Variants in GGACT observed in about 807,000 individuals in gnomAD.
GGACT encodes gamma-glutamylamine cyclotransferase.
For missense variants in GGACT, 241 were observed against 233.2 expected, an observed-to-expected ratio of 1.03 and a Z score of -0.22; for synonymous variants, 118 against 115.3, an observed-to-expected ratio of 1.02 and a Z score of -0.15.
At chr13:100,570,340 T>G (rs1336458082) in intron 2 of GGACT, among the ~76,000 whole-genome samples, 1 of 152,172 alleles carries the variant, frequency 6.6e-6, no homozygotes, top group Non-Finnish European at 1.5e-5. Flanking sequence ...CTCAGGAATC[T>G]TATAATCATG....
At chr13:100,543,224 T>C (rs2088571208) in intron 2 of GGACT, among the ~76,000 whole-genome samples, 1 of 139,132 alleles carries the variant, frequency 7.2e-6, no homozygotes, top group Non-Finnish European at 1.5e-5. Flanking sequence ...TTTTTTTTTT[T>C]TGAGACGGAG....
intron 2 of GGACT, among the ~76,000 whole-genome samples, chr13:100,547,655 A>G (rs1325754269): frequency 1.3e-5 from 2 of 152,176 alleles, no homozygotes; most frequent in African/African-American, 4.8e-5. Context: ...AGTCTGTCCA[A>G]AGCATTTCTA....
chr13:100,584,792 C>G (rs1875516637), intron 1 of GGACT, among the ~76,000 whole-genome samples: 1 of 151,728 alleles, frequency 6.6e-6, no homozygotes, highest in Admixed American at 6.6e-5. Flanking sequence ...AATTAACTAT[C>G]AAAAAAGAAC....
intron 2 of GGACT, among the ~76,000 whole-genome samples, chr13:100,560,125 G>A (rs183863422): frequency 3.3e-5 from 5 of 152,226 alleles, no homozygotes; most frequent in Admixed American, 2.6e-4. Flanking sequence ...CAAAGAGGCC[G>A]CAGGAAGCTT....
intron 2 of GGACT, among the ~76,000 whole-genome samples, chr13:100,543,196 G>GTTTTTTTTTTT (rs1566530390): frequency 1.6e-5 from 1 of 63,664 alleles, no homozygotes; most frequent in African/African-American, 6.5e-5. Flanking sequence ...AAAGACACCA[G>GTTTTTTTTTTT]CTTTTTTTTT....
At chr13:100,548,660 T>A (rs1440782660) in intron 2 of GGACT, among the ~76,000 whole-genome samples, 1 of 152,082 alleles carries the variant, frequency 6.6e-6, no homozygotes, top group Non-Finnish European at 1.5e-5. Flanking sequence ...ACAAAAATAG[T>A]GAGATCCCCA....
intron 2 of GGACT, among the ~76,000 whole-genome samples, chr13:100,551,325 G>C (rs2088662416): frequency 6.6e-6 from 1 of 152,128 alleles, no homozygotes; most frequent in East Asian, 1.9e-4. Context: ...TACACAGACA[G>C]GATAAAACCA....
At chr13:100,574,325 C>T (rs912752937) in intron 2 of GGACT, among the ~76,000 whole-genome samples, 7 of 152,166 alleles carry the variant, frequency 4.6e-5, no homozygotes, top group Non-Finnish European at 1.0e-4. Flanking sequence ...GTAATCCCAG[C>T]ACTTTTTGGG....
At chr13:100,578,666 TGA>T (rs1389162217) in intron 2 of GGACT, among the ~76,000 whole-genome samples, 1 of 152,248 alleles carries the variant, frequency 6.6e-6, no homozygotes, top group South Asian at 2.1e-4. Flanking sequence ...TGTTCATTTA[TGA>T]GATATACTAA....
At chr13:100,557,600 TCTCA>T (rs145559823) in intron 2 of GGACT, among the ~76,000 whole-genome samples, 4,708 of 152,238 alleles carry the variant, frequency 0.031, 106 homozygotes, top group Non-Finnish European at 0.051. Flanking sequence ...AAACCTCTTA[TCTCA>T]CTCCCTATAC....
At chr13:100,582,063 A>G (rs1479377219) in intron 2 of GGACT, among the ~76,000 whole-genome samples, 3 of 152,210 alleles carry the variant, frequency 2.0e-5, no homozygotes, top group Non-Finnish European at 4.4e-5. Flanking sequence ...ATCTTGAACA[A>G]TGGTTTTCCC....
At chr13:100,578,543 T>C (rs552332923) in intron 2 of GGACT, among the ~76,000 whole-genome samples, 2 of 152,354 alleles carry the variant, frequency 1.3e-5, no homozygotes, top group South Asian at 4.1e-4. Flanking sequence ...CCTGTGAGTC[T>C]ACTTGACTTC....
chr13:100,547,050 G>A (rs2088612798), intron 2 of GGACT, among the ~76,000 whole-genome samples: 1 of 152,192 alleles, frequency 6.6e-6, no homozygotes. Context: ...AATCCTTCAA[G>A]TTCTCCTTGT....
At chr13:100,586,386 T>G (rs1377407741) in intron 1 of GGACT, among the ~76,000 whole-genome samples, 2 of 152,168 alleles carry the variant, frequency 1.3e-5, no homozygotes, top group Non-Finnish European at 2.9e-5. Flanking sequence ...TGCTTAAAAT[T>G]TTCCCAATAA....
intron 2 of GGACT, chr13:100,539,866 A>T: frequency 1.2e-6 from 1 of 860,998 alleles, no homozygotes; most frequent in African/African-American, 1.7e-5. Flanking sequence ...TTCTCCAGAG[A>T]ATAGCCTGTC....
chr13:100,537,916 G>A (rs921794251), intron 2 of GGACT: 22 of 152,272 alleles, frequency 1.4e-4, no homozygotes, highest in African/African-American at 5.1e-4. Flanking sequence ...TTTCATCCAA[G>A]AGTGGACAAG....
At chr13:100,569,113 C>T (rs751629749) in intron 2 of GGACT, among the ~76,000 whole-genome samples, 8 of 152,216 alleles carry the variant, frequency 5.3e-5, no homozygotes, top group South Asian at 2.1e-4. Context: ...TCCAGGTGCA[C>T]GGTGCAAGCC....
At chr13:100,568,508 ACCATCCC>A (rs1445242960) in intron 2 of GGACT, among the ~76,000 whole-genome samples, 1 of 152,228 alleles carries the variant, frequency 6.6e-6, no homozygotes, top group Non-Finnish European at 1.5e-5. Context: ...GATAGGAGAA[ACCATCCC>A]CCATGATTCA....
intron 2 of GGACT, among the ~76,000 whole-genome samples, chr13:100,550,775 G>C (rs893749835): frequency 6.6e-6 from 1 of 152,158 alleles, no homozygotes; most frequent in Non-Finnish European, 1.5e-5. Flanking sequence ...CAATCCACTC[G>C]CTTCAGAAAC....
Sources: gnomAD v4.1 joint callset for allele counts (sites outside exome capture counted in the v4.1 genomes callset) on GRCh38, gnomAD v4.1.1 for gene constraint, MANE v1.5 for transcripts, NCBI Gene and HGNC (gene_info 2026-07-23, HGNC 2026-07-21) for gene names.